The following SUGCT variants were observed in gnomAD, a reference collection of about 807,000 sequenced individuals.
SUGCT encodes the protein succinyl-CoA:glutarate-CoA transferase, also known as succinyl-CoA:glutarate CoA-transferase.
Under a neutral mutation model 55.0 loss-of-function variants are expected in SUGCT, and 41 were observed. The observed-to-expected ratio is 0.74, with a 90% CI of 0.58 to 0.97. SUGCT has a LOEUF of 0.97. Ranked by LOEUF, SUGCT falls within the 50% of genes least tolerant of loss-of-function variation. SUGCT has a pLI of 0.00. For synonymous variants in SUGCT, 187 were observed against 200.4 expected (o/e 0.93, Z 0.56); for missense variants, 568 against 547.8 (o/e 1.04, Z -0.37).
chr7:40,915,215 T>C, the SUGCT span, among the ~76,000 whole-genome samples: 1 of 152,084 alleles, frequency 6.6e-6, no homozygotes, highest in African/African-American at 2.4e-5. Flanking sequence ...TTCAAATTGC[T>C]CTGGGCAGTA....
intron 13 of SUGCT, among the ~76,000 whole-genome samples, chr7:40,843,238 G>A (rs1370782009): frequency 2.0e-5 from 3 of 152,086 alleles, no homozygotes; most frequent in African/African-American, 2.4e-5. Context: ...GAAGCTGGGC[G>A]TGGTGGCTCA....
intron 9 of SUGCT, among the ~76,000 whole-genome samples, chr7:40,409,912 C>A (rs1281636183): frequency 6.6e-6 from 1 of 152,066 alleles, no homozygotes; most frequent in Non-Finnish European, 1.5e-5. Context: ...GTCTTCCCTT[C>A]CAGGAGCATA....
intron 12 of SUGCT, among the ~76,000 whole-genome samples, chr7:40,512,096 G>T (rs1234977073): frequency 1.3e-5 from 2 of 152,144 alleles, no homozygotes; most frequent in African/African-American, 2.4e-5. Context: ...TTACCAGAAT[G>T]CAGTTACTCC....
chr7:40,918,237 C>T, the SUGCT span, among the ~76,000 whole-genome samples: 62 of 151,828 alleles, frequency 4.1e-4, no homozygotes, highest in African/African-American at 1.3e-3. Context: ...CCAAGGCGGG[C>T]GGATCACGAG....
At chr7:40,171,579 T>G (rs539526907) in intron 1 of SUGCT, among the ~76,000 whole-genome samples, 2 of 152,356 alleles carry the variant, frequency 1.3e-5, no homozygotes, top group African/African-American at 4.8e-5. Flanking sequence ...CTCTATACTT[T>G]TAGACTTTTG....
At chr7:40,814,628 T>A (rs941987429) in intron 13 of SUGCT, among the ~76,000 whole-genome samples, 7 of 152,094 alleles carry the variant, frequency 4.6e-5, no homozygotes, top group Non-Finnish European at 8.8e-5. Flanking sequence ...TGTGTTGATG[T>A]TCAACCTTGT....
At chr7:40,485,705 C>T (rs1443516738) in intron 11 of SUGCT, among the ~76,000 whole-genome samples, 1 of 152,160 alleles carries the variant, frequency 6.6e-6, no homozygotes, top group Non-Finnish European at 1.5e-5. Flanking sequence ...GCATGAGCCA[C>T]TGTGCCTGGT....
intron 13 of SUGCT, among the ~76,000 whole-genome samples, chr7:40,755,644 A>G (rs934138717): frequency 1.3e-5 from 2 of 152,212 alleles, no homozygotes; most frequent in African/African-American, 2.4e-5. Context: ...CTGAGTGCCA[A>G]ACTTCAAAGG....
intron 9 of SUGCT, among the ~76,000 whole-genome samples, chr7:40,324,513 C>A (rs1795930531): frequency 6.6e-6 from 1 of 152,070 alleles, no homozygotes; most frequent in East Asian, 1.9e-4. Flanking sequence ...GCCTCGGCCT[C>A]CCAAAGTGCT....
chr7:40,328,483 G>C (rs1045797257), intron 9 of SUGCT, among the ~76,000 whole-genome samples: 1 of 152,098 alleles, frequency 6.6e-6, no homozygotes, highest in Non-Finnish European at 1.5e-5. Flanking sequence ...GGGATGGGAA[G>C]GAATATTTGG....
intron 12 of SUGCT, among the ~76,000 whole-genome samples, chr7:40,702,290 A>C (rs779522569): frequency 5.3e-5 from 8 of 152,242 alleles, no homozygotes; most frequent in Non-Finnish European, 7.3e-5. Flanking sequence ...GAAATTTAAA[A>C]TCTAGTTTCT....
intron 12 of SUGCT, among the ~76,000 whole-genome samples, chr7:40,616,579 A>C (rs1799013119): frequency 6.6e-6 from 1 of 152,250 alleles, no homozygotes; most frequent in South Asian, 2.1e-4. Flanking sequence ...AGGAATGCAA[A>C]CCTAGTTATC....
the SUGCT span, among the ~76,000 whole-genome samples, chr7:40,970,752 C>T: frequency 6.6e-6 from 1 of 152,078 alleles, no homozygotes; most frequent in Non-Finnish European, 1.5e-5. Context: ...TTGACATGAG[C>T]ATTTGCCTGG....
At chr7:40,879,328 A>C in the SUGCT span, among the ~76,000 whole-genome samples, 1 of 152,238 alleles carries the variant, frequency 6.6e-6, no homozygotes, top group South Asian at 2.1e-4. Context: ...ACAATTATCA[A>C]TGTTTTGTGA....
chr7:40,160,720 AAG>A (rs1404556419), intron 1 of SUGCT, among the ~76,000 whole-genome samples: 3 of 152,210 alleles, frequency 2.0e-5, no homozygotes, highest in Admixed American at 2.0e-4. Context: ...AATAATTTAT[AAG>A]AGAAGATATA....
chr7:40,876,213 C>T, the SUGCT span, among the ~76,000 whole-genome samples: 1 of 152,154 alleles, frequency 6.6e-6, no homozygotes, highest in African/African-American at 2.4e-5. Flanking sequence ...ACTTTGTTGA[C>T]ATTATCTCAC....
chr7:40,491,431 C>T (rs1445331838), intron 11 of SUGCT, among the ~76,000 whole-genome samples: 2 of 151,852 alleles, frequency 1.3e-5, no homozygotes, highest in African/African-American at 4.8e-5. Context: ...TGAGTTCTGG[C>T]AAGTGAGGAA....
rs996761542 is a variant in SUGCT, at chr7:40,297,945, C to T, written c.721-18815C>T. ...CTAAGAAGACACATGATATTGTTTT[C>T]CTCCTTCTGTTTTTTAAACATAGCC... On this transcript the variant is annotated intron_variant, in intron 8 of 13. Transcript: ENST00000335693. Among the ~76,000 whole-genome samples the T allele has an allele frequency of 2.0e-5, 3 of 151,954 alleles. No individual in the cohort carries two copies. The East Asian group carries it at 5.8e-4, about 29-fold the overall frequency.
chr7:40,669,698 C>T (rs986060729), intron 12 of SUGCT, among the ~76,000 whole-genome samples: 4 of 148,774 alleles, frequency 2.7e-5, no homozygotes, highest in African/African-American at 9.8e-5. Context: ...ATGAAGGGAA[C>T]CAAGAAAAGA....
Sources: allele counts gnomAD v4.1 joint callset (sites outside exome capture counted in the v4.1 genomes callset), GRCh38; gene constraint gnomAD v4.1.1; transcripts MANE v1.5; gene names NCBI Gene and HGNC (gene_info 2026-07-23, HGNC 2026-07-21).